LRMDA: variants seen among roughly 807,000 people sequenced by gnomAD.
LRMDA encodes leucine-rich melanocyte differentiation-associated protein.
LRMDA carries 18 observed loss-of-function variants against 29.8 expected under a neutral mutation model. That is an observed-to-expected ratio of 0.60 (90% CI 0.42 to 0.90). The LOEUF (loss-of-function observed/expected upper bound fraction) is 0.90. Among genes scored for constraint, LRMDA ranks in the 40% least tolerant of loss-of-function variants. LRMDA has a pLI of 0.00. For synonymous variants in LRMDA, 125 were observed against 109.4 expected (o/e 1.14, Z -0.89); for missense variants, 273 against 273.9 (o/e 1.00, Z 0.02).
chr10:75,592,396 C>T (rs193004386), intron 2 of LRMDA, among the ~76,000 whole-genome samples: 1 of 152,298 alleles, frequency 6.6e-6, no homozygotes, highest in East Asian at 1.9e-4. Context: ...ATCTGCTGCC[C>T]GAAGTTGTAA....
intron 5 of LRMDA, among the ~76,000 whole-genome samples, chr10:76,159,006 TAAAGAA>T (rs1449752015): frequency 6.6e-6 from 1 of 152,150 alleles, no homozygotes; most frequent in African/African-American, 2.4e-5. Context: ...GAATAAAACT[TAAAGAA>T]AATCATATGG....
At chr10:75,922,279 T>A (rs1846039523) in intron 2 of LRMDA, among the ~76,000 whole-genome samples, 2 of 152,238 alleles carry the variant, frequency 1.3e-5, no homozygotes, top group East Asian at 3.8e-4. Flanking sequence ...GCCACCTTAA[T>A]GGTCTCTCTC....
At chr10:75,568,074 G>T (rs2132068000) in intron 2 of LRMDA, among the ~76,000 whole-genome samples, 1 of 152,320 alleles carries the variant, frequency 6.6e-6, no homozygotes, top group Middle Eastern at 3.4e-3. Flanking sequence ...TAGACAAATT[G>T]TAGTCTTTTT....
At chr10:75,697,412 T>A (rs951608441) in intron 2 of LRMDA, among the ~76,000 whole-genome samples, 8 of 152,008 alleles carry the variant, frequency 5.3e-5, no homozygotes, top group Non-Finnish European at 1.0e-4. Context: ...ACAGAAAACC[T>A]TATAATACTT....
chr10:76,042,771 G>A (rs1848362317), intron 3 of LRMDA, among the ~76,000 whole-genome samples: 2 of 152,036 alleles, frequency 1.3e-5, no homozygotes, highest in South Asian at 4.2e-4. Flanking sequence ...CCCTCTTTTA[G>A]CATGGTTGAT....
intron 2 of LRMDA, among the ~76,000 whole-genome samples, chr10:75,514,485 A>G (rs1204993956): frequency 6.6e-6 from 1 of 151,898 alleles, no homozygotes; most frequent in East Asian, 1.9e-4. Flanking sequence ...GTTTGGAGAT[A>G]TGTCCCCTCC....
At chr10:75,787,321 C>T (rs372178666) in intron 2 of LRMDA, among the ~76,000 whole-genome samples, 14 of 152,298 alleles carry the variant, frequency 9.2e-5, no homozygotes, top group Admixed American at 3.3e-4. Flanking sequence ...GGGTTGGAGA[C>T]GTCAGCCTGG....
At chr10:76,463,222 A>G (rs1019238023) in intron 6 of LRMDA, among the ~76,000 whole-genome samples, 1 of 152,198 alleles carries the variant, frequency 6.6e-6, no homozygotes, top group Non-Finnish European at 1.5e-5. Context: ...CTTAAACCAC[A>G]ACTTCAATAC....
At chr10:76,093,659 T>C (rs1215064244) in intron 5 of LRMDA, among the ~76,000 whole-genome samples, 1 of 152,174 alleles carries the variant, frequency 6.6e-6, no homozygotes, top group African/African-American at 2.4e-5. Context: ...ACTGCTCATA[T>C]CATATCCACA....
chr10:76,265,345 T>C (rs1228279445), intron 5 of LRMDA, among the ~76,000 whole-genome samples: 1 of 152,182 alleles, frequency 6.6e-6, no homozygotes, highest in African/African-American at 2.4e-5. Context: ...AAGTTGAGTG[T>C]CATCTCTCAA....
chr10:75,542,578 A>T (rs1330937165), intron 2 of LRMDA, among the ~76,000 whole-genome samples: 3 of 152,176 alleles, frequency 2.0e-5, no homozygotes, highest in Non-Finnish European at 4.4e-5. Context: ...AGTTTCTAGA[A>T]CTCACTGCAG....
intron 6 of LRMDA, among the ~76,000 whole-genome samples, chr10:76,505,236 G>T (rs1423293201): frequency 1.3e-5 from 2 of 151,868 alleles, no homozygotes; most frequent in East Asian, 3.9e-4. Flanking sequence ...CTACCTTTAT[G>T]ATGTTCTCTT....
intron 2 of LRMDA, among the ~76,000 whole-genome samples, chr10:75,725,154 T>A (rs1350292265): frequency 6.6e-6 from 1 of 152,216 alleles, no homozygotes; most frequent in Non-Finnish European, 1.5e-5. Flanking sequence ...ATTTATAGAA[T>A]TTTTATATTT....
intron 6 of LRMDA, among the ~76,000 whole-genome samples, chr10:76,491,391 T>G (rs1040666293): frequency 6.6e-6 from 1 of 152,014 alleles, no homozygotes; most frequent in African/African-American, 2.4e-5. Flanking sequence ...CAGCTTTTGT[T>G]TGTTTTGGAA....
intron 5 of LRMDA, among the ~76,000 whole-genome samples, chr10:76,239,320 A>T (rs1852224883): frequency 6.6e-6 from 1 of 152,118 alleles, no homozygotes; most frequent in Non-Finnish European, 1.5e-5. Context: ...AATAAGGAAC[A>T]TTTACCCTTA....
chr10:75,686,975 T>C (rs750915232), intron 2 of LRMDA, among the ~76,000 whole-genome samples: 1 of 152,228 alleles, frequency 6.6e-6, no homozygotes, highest in African/African-American at 2.4e-5. Flanking sequence ...GTTTTGACCA[T>C]GAACCTTACC....
chr10:75,705,360 G>A (rs1252302870), intron 2 of LRMDA, among the ~76,000 whole-genome samples: 1 of 152,218 alleles, frequency 6.6e-6, no homozygotes, highest in African/African-American at 2.4e-5. Flanking sequence ...GTTGGGTGAG[G>A]AAAGGGCTCA....
chr10:76,141,983 TTC>T (rs1477218655), intron 5 of LRMDA, among the ~76,000 whole-genome samples: 1 of 152,094 alleles, frequency 6.6e-6, no homozygotes, highest in Non-Finnish European at 1.5e-5. Context: ...CTTACCTAGA[TTC>T]TACTCTTGAC....
intron 5 of LRMDA, among the ~76,000 whole-genome samples, chr10:76,082,894 T>G (rs924671867): frequency 1.3e-4 from 20 of 152,194 alleles, no homozygotes; most frequent in Non-Finnish European, 7.3e-5. Context: ...TTTTCATTAA[T>G]GTATTATTTG....
Sources: allele counts gnomAD v4.1 joint callset (sites outside exome capture counted in the v4.1 genomes callset), GRCh38; gene constraint gnomAD v4.1.1; transcripts MANE v1.5; gene names NCBI Gene and HGNC (gene_info 2026-07-23, HGNC 2026-07-21).